FRYL: variants seen among roughly 807,000 people sequenced by gnomAD.
FRYL encodes FRY like transcription coactivator.
In FRYL, 150 loss-of-function variants were observed where a neutral mutation model predicts 351.2. That is an observed-to-expected ratio of 0.43 (90% confidence interval 0.37 to 0.49). FRYL has a LOEUF of 0.49. Among genes scored for constraint, FRYL ranks in the 20% least tolerant of loss-of-function variants. The pLI is 0.00. For synonymous variants in FRYL, 1,153 were observed against 1,257.1 expected (o/e 0.92, Z 1.75); for missense variants, 3,036 against 3,619.3 (o/e 0.84, Z 4.13).
chr4:48,575,021 G>C, intron 25 of FRYL, 96 bp downstream of exon 25: 1 of 1,193,912 alleles, frequency 8.4e-7, no homozygotes, highest in East Asian at 2.4e-5. Context: ...CAAGCACTCT[G>C]CTTGACCCTA....
chr4:48,620,760 A>C lies in FRYL; in HGVS notation c.193T>G (p.Ser65Ala). The C allele has an allele frequency of 2.5e-6, 4 of 1,613,074 alleles. No individual in the cohort carries two copies. The highest frequency in any genetic ancestry group is 3.4e-6 in the Non-Finnish European group (4 of 1,179,190). The change falls in exon 6 of 64, where the codon TCA becomes GCA. Residue 65 changes from serine (S) to alanine (A), a missense_variant. Physicochemically the swap from Ser to Ala is moderately conservative, Grantham distance 99. Coordinates refer to ENST00000358350, the MANE Select transcript of FRYL (RefSeq NM_015030.2). ...GAAGGGAGACAGTGCTCTGCTACTG[A>C]GCTCATAGAGCTTATCAACTGAAAA... Reference protein sequence around the residue: ...QFDQLISSMSSVAEHCLPSLL... With the variant: ...QFDQLISSMSAVAEHCLPSLL...
intron 3 of FRYL, among the ~76,000 whole-genome samples, chr4:48,644,548 A>G (rs1756002174): frequency 6.6e-6 from 1 of 151,088 alleles, no homozygotes. Flanking sequence ...AAGAATTCAC[A>G]TGGGCAAAAT....
At chr4:48,591,369 C>T (rs1743206832) in intron 16 of FRYL, among the ~76,000 whole-genome samples, 1 of 152,210 alleles carries the variant, frequency 6.6e-6, no homozygotes, top group African/African-American at 2.4e-5. Context: ...GCATCTTCAA[C>T]ATTTTCCTTT....
chr4:48,557,795 C>G (rs763298114), intron 33 of FRYL, 83 bp from the exon 34 acceptor site: 30 of 1,497,798 alleles, frequency 2.0e-5, no homozygotes, highest in Non-Finnish European at 2.7e-5. Flanking sequence ...ATTTCAGAAG[C>G]CAGATTTTAT....
chr4:48,734,850 C>A (rs892172797), intron 1 of FRYL, among the ~76,000 whole-genome samples: 1 of 152,098 alleles, frequency 6.6e-6, no homozygotes, highest in East Asian at 1.9e-4. Context: ...TCAGATAAAC[C>A]TAAAACCATA....
chr4:48,542,724 C>T (rs1311195991), intron 44 of FRYL, among the ~76,000 whole-genome samples: 1 of 152,090 alleles, frequency 6.6e-6, no homozygotes, highest in Non-Finnish European at 1.5e-5. Context: ...CTGAAAATAT[C>T]ACTTTTAAAA....
In FRYL at chr4:48,760,390, T is replaced by A. The variant is rs1774278275; in HGVS notation, c.-384+19688A>T. On this transcript the variant is annotated intron_variant, in intron 1 of 63. Coordinates refer to ENST00000358350, the MANE Select transcript of FRYL (RefSeq NM_015030.2). Reference sequence around the variant, plus strand: ...CACTGATTTTATAATCCTGTGACCTTGCTGAATTCACTTACTTGTTCTAAT... The same window carrying A: ...CACTGATTTTATAATCCTGTGACCTAGCTGAATTCACTTACTTGTTCTAAT... Among the ~76,000 whole-genome samples, 3 of 152,240 alleles carry A rather than the reference T, an allele frequency of 2.0e-5. No individual in the cohort carries two copies. The South Asian group carries it at 6.2e-4, about 31-fold the overall frequency.
chr4:48,717,803 A>C (rs908256630), intron 1 of FRYL, among the ~76,000 whole-genome samples: 1 of 151,388 alleles, frequency 6.6e-6, no homozygotes, highest in Admixed American at 6.6e-5. Flanking sequence ...CACATTCCAA[A>C]GTACTGGGAT....
chr4:48,665,001 GGTAA>G (rs1254564589), intron 3 of FRYL, among the ~76,000 whole-genome samples: 1 of 152,138 alleles, frequency 6.6e-6, no homozygotes, highest in East Asian at 1.9e-4. Context: ...TTCTAAAAAA[GGTAA>G]GTTTTATACA....
rs1426136089 is a variant in FRYL at position 48,497,536 on chromosome 4, A to G, written c.*1886T>C. 1 of 152,670 alleles carries G rather than the reference A, an allele frequency of 6.6e-6. No homozygotes were observed. The highest frequency in any genetic ancestry group is 2.1e-4 in the South Asian group (1 of 4,824). 9.5% of individuals were successfully genotyped at this position (152,670 alleles called of 1,614,324 possible). On this transcript the variant is annotated 3_prime_UTR_variant, in exon 64 of 64. Coordinates refer to ENST00000358350, the MANE Select transcript of FRYL (RefSeq NM_015030.2). ...TTTCTAAATGATGCACACTGTAATC[A>G]TTCATTCTTTGTTAAAATACAACAC... is the stretch of plus-strand genomic sequence containing the variant.
intron 3 of FRYL, among the ~76,000 whole-genome samples, chr4:48,682,896 G>A (rs543204688): frequency 7.9e-5 from 12 of 152,124 alleles, no homozygotes; most frequent in Non-Finnish European, 4.4e-5. Context: ...AATACCATTT[G>A]ACCCAGCAAT....
At chr4:48,683,150 T>C (rs1490434409) in intron 3 of FRYL, among the ~76,000 whole-genome samples, 1 of 151,978 alleles carries the variant, frequency 6.6e-6, no homozygotes, top group Non-Finnish European at 1.5e-5. Context: ...ACCATCATTC[T>C]CAGCAAACTA....
At chr4:48,688,233 A>G (rs1437774565) in intron 2 of FRYL, among the ~76,000 whole-genome samples, 2 of 152,226 alleles carry the variant, frequency 1.3e-5, no homozygotes, top group Non-Finnish European at 2.9e-5. Context: ...AAGGCCTCTT[A>G]AAATGATGCA....
chr4:48,513,322 A>T (rs1722868221), intron 56 of FRYL, among the ~76,000 whole-genome samples: 1 of 152,222 alleles, frequency 6.6e-6, no homozygotes, highest in Non-Finnish European at 1.5e-5. Flanking sequence ...GCTATTTCAT[A>T]AGCATATACT....
intron 3 of FRYL, among the ~76,000 whole-genome samples, chr4:48,652,875 T>C (rs1443652305): frequency 6.6e-6 from 1 of 152,216 alleles, no homozygotes; most frequent in African/African-American, 2.4e-5. Flanking sequence ...TTCCAATTCT[T>C]TGCCACTGTA....
intron 13 of FRYL, among the ~76,000 whole-genome samples, chr4:48,596,299 T>G (rs1174885660): frequency 6.6e-6 from 1 of 152,076 alleles, no homozygotes; most frequent in Non-Finnish European, 1.5e-5. Context: ...CAAACTTACT[T>G]GATGATGAAC....
At chr4:48,775,378 C>T (rs1432517363) in intron 1 of FRYL, among the ~76,000 whole-genome samples, 1 of 152,226 alleles carries the variant, frequency 6.6e-6, no homozygotes, top group African/African-American at 2.4e-5. Flanking sequence ...ACCCTCAATG[C>T]CTAGCATGGT....
chr4:48,661,199 T>A (rs1373518097), intron 3 of FRYL, among the ~76,000 whole-genome samples: 1 of 152,216 alleles, frequency 6.6e-6, no homozygotes, highest in African/African-American at 2.4e-5. Flanking sequence ...AATAAAAAGT[T>A]TGTTAAAAAA....
chr4:48,674,736 C>CAAAAAAAAAAAAAAAAAAA lies in FRYL; in HGVS notation c.-81+9918_-81+9936dup, dbSNP rs58696045. On this transcript the variant is annotated intron_variant, in intron 3 of 63. Transcript: ENST00000358350. Reference sequence around the variant, plus strand: ...AGGGCGACAGAGCAAGACTCTGTCTCAAAAAAAAAAAAAAAAAAAAATAGC... The same window carrying CAAAAAAAAAAAAAAAAAAA: ...AGGGCGACAGAGCAAGACTCTGTCTCAAAAAAAAAAAAAAAAAAAAAAAAAAAAAAAAAAAAAAAATAGC... Among the ~76,000 whole-genome samples the CAAAAAAAAAAAAAAAAAAA allele has an allele frequency of 2.2e-4, 12 of 55,784 alleles. 1 individual carries two copies. The highest frequency in any genetic ancestry group is 9.0e-4 in the African/African-American group (11 of 12,220). 36.6% of individuals were successfully genotyped at this position (55,784 alleles called of 152,430 possible).
Sources: gnomAD v4.1 joint callset for allele counts (sites outside exome capture counted in the v4.1 genomes callset) on GRCh38, gnomAD v4.1.1 for gene constraint, MANE v1.5 for transcripts, NCBI Gene and HGNC (gene_info 2026-07-23, HGNC 2026-07-21) for gene names.